The following RAB3C variants were observed in gnomAD, a reference collection of about 807,000 sequenced individuals.
RAB3C encodes the protein ras-related protein Rab-3C.
A neutral mutation model predicts 26.4 loss-of-function variants in RAB3C; 17 were observed. The observed-to-expected ratio is 0.64, with a 90% CI of 0.44 to 0.97. RAB3C has a LOEUF of 0.97. RAB3C is among the 50% of genes least tolerant of loss of function. The pLI is 0.00. For synonymous variants in RAB3C, 91 were observed against 95.9 expected (o/e 0.95, Z 0.30); for missense variants, 242 against 281.9 (o/e 0.86, Z 1.01).
chr5:58,739,059 T>C (rs967865020), intron 3 of RAB3C, among the ~76,000 whole-genome samples: 2 of 152,210 alleles, frequency 1.3e-5, no homozygotes, highest in Admixed American at 1.3e-4. Flanking sequence ...AAGCAAATAT[T>C]GTTGATTATT....
At chr5:58,746,169 T>G (rs11953345) in intron 3 of RAB3C, among the ~76,000 whole-genome samples, 27,561 of 152,134 alleles carry the variant, frequency 0.18, 2,636 homozygotes, top group East Asian at 0.3. Context: ...TCTGTAGGAT[T>G]GATGATGAAT....
chr5:58,833,867 T>A (rs1234293646), intron 4 of RAB3C, among the ~76,000 whole-genome samples: 1 of 152,198 alleles, frequency 6.6e-6, no homozygotes, highest in Non-Finnish European at 1.5e-5. Context: ...CATGAGGTGA[T>A]ACACATAGGA....
At chr5:58,593,195 C>T (rs926705816) in intron 1 of RAB3C, among the ~76,000 whole-genome samples, 1 of 152,026 alleles carries the variant, frequency 6.6e-6, no homozygotes, top group African/African-American at 2.4e-5. Flanking sequence ...TTTTGTTAAG[C>T]CTGTCCAGGA....
At chr5:58,597,122 TAA>T in intron 1 of RAB3C, among the ~76,000 whole-genome samples, 3 of 70,488 alleles carry the variant, frequency 4.3e-5, no homozygotes, top group African/African-American at 1.6e-4. Flanking sequence ...ATATAATACA[TAA>T]TATATAATAT....
intron 3 of RAB3C, among the ~76,000 whole-genome samples, chr5:58,734,647 G>C (rs1348462174): frequency 6.6e-6 from 1 of 152,106 alleles, no homozygotes; most frequent in Non-Finnish European, 1.5e-5. Flanking sequence ...AAAACACCCT[G>C]TTTCCTCCGT....
At chr5:58,600,813 T>C (rs899556848) in intron 1 of RAB3C, among the ~76,000 whole-genome samples, 2 of 152,158 alleles carry the variant, frequency 1.3e-5, no homozygotes, top group African/African-American at 4.8e-5. Flanking sequence ...TCACTTCCTC[T>C]TTCCTGATCT....
chr5:58,587,482 A>T (rs1055022849), intron 1 of RAB3C, among the ~76,000 whole-genome samples: 2 of 152,158 alleles, frequency 1.3e-5, no homozygotes, highest in African/African-American at 4.8e-5. Context: ...ATTACCAAGG[A>T]TACTACAGCC....
chr5:58,619,169 C>G (rs941967143), intron 2 of RAB3C, among the ~76,000 whole-genome samples: 1 of 152,142 alleles, frequency 6.6e-6, no homozygotes, highest in Non-Finnish European at 1.5e-5. Context: ...TTTACTTGTT[C>G]TAACTCTAGA....
chr5:58,811,879 G>GCC (rs916175608), intron 3 of RAB3C, among the ~76,000 whole-genome samples: 1 of 150,692 alleles, frequency 6.6e-6, no homozygotes, highest in Non-Finnish European at 1.5e-5. Flanking sequence ...CCTTCTGAAA[G>GCC]CCCCCCAGCT....
chr5:58,837,921 A>G (rs1375759787), intron 4 of RAB3C, among the ~76,000 whole-genome samples: 1 of 152,100 alleles, frequency 6.6e-6, no homozygotes, highest in African/African-American at 2.4e-5. Context: ...AGTTCTTCAA[A>G]TGTATTGGCA....
At chr5:58,583,275 A>T in intron 1 of RAB3C, 43 bp downstream of exon 1, 1 of 1,613,510 alleles carries the variant, frequency 6.2e-7, no homozygotes, top group Non-Finnish European at 8.5e-7. Flanking sequence ...GAATTGAAAG[A>T]GATGCTTTTC....
chr5:58,602,794 C>T (rs770154570), intron 1 of RAB3C, among the ~76,000 whole-genome samples: 1 of 152,026 alleles, frequency 6.6e-6, no homozygotes, highest in African/African-American at 2.4e-5. Flanking sequence ...ATCCATTCTG[C>T]GATTCTGTAT....
At chr5:58,832,214 G>T (rs910526050) in intron 4 of RAB3C, among the ~76,000 whole-genome samples, 2 of 152,166 alleles carry the variant, frequency 1.3e-5, no homozygotes, top group African/African-American at 4.8e-5. Context: ...TTTACAGAAG[G>T]CTATTGGGGA....
At chr5:58,787,122 C>T (rs1362963469) in intron 3 of RAB3C, among the ~76,000 whole-genome samples, 3 of 152,198 alleles carry the variant, frequency 2.0e-5, no homozygotes, top group African/African-American at 4.8e-5. Flanking sequence ...CAGGCCTGAG[C>T]CCCACACATC....
intron 3 of RAB3C, among the ~76,000 whole-genome samples, chr5:58,811,113 C>T (rs760490372): frequency 1.3e-5 from 2 of 152,174 alleles, no homozygotes; most frequent in African/African-American, 4.8e-5. Context: ...AGCAAAACTG[C>T]TATGGTTTGT....
chr5:58,682,683 CAAAAAGA>C (rs1260023002), intron 2 of RAB3C, among the ~76,000 whole-genome samples: 2 of 98,656 alleles, frequency 2.0e-5, no homozygotes, highest in East Asian at 3.1e-4. Context: ...GACTCCGTCT[CAAAAAGA>C]AAAAAGAAAA....
intron 3 of RAB3C, among the ~76,000 whole-genome samples, chr5:58,754,378 T>C (rs10472072): frequency 0.072 from 10,942 of 152,220 alleles, 1,291 homozygotes; most frequent in African/African-American, 0.25. Flanking sequence ...CTTGTTTTTG[T>C]TTCTAGTTCA....
intron 2 of RAB3C, among the ~76,000 whole-genome samples, chr5:58,665,661 G>A (rs1229156636): frequency 5.3e-5 from 8 of 152,116 alleles, no homozygotes; most frequent in Non-Finnish European, 1.0e-4. Context: ...ACTTGTTTTG[G>A]AAAAAATCAT....
chr5:58,613,655 TA>T (rs759971124), intron 1 of RAB3C, among the ~76,000 whole-genome samples: 8 of 152,016 alleles, frequency 5.3e-5, no homozygotes, highest in Non-Finnish European at 1.2e-4. Context: ...AATGTGAAAA[TA>T]GTGATGAGCA....
Sources: allele counts gnomAD v4.1 joint callset (sites outside exome capture counted in the v4.1 genomes callset), GRCh38; gene constraint gnomAD v4.1.1; transcripts MANE v1.5; gene names NCBI Gene and HGNC (gene_info 2026-07-23, HGNC 2026-07-21).